Variants in ADGRB3 observed in about 807,000 individuals in gnomAD.
ADGRB3 encodes brain-specific angiogenesis inhibitor 3.
Under a neutral mutation model 193.4 loss-of-function variants are expected in ADGRB3, and 37 were observed. The observed-to-expected ratio is 0.19, with a 90% confidence interval of 0.15 to 0.25. ADGRB3 has a LOEUF of 0.25. Ranked by LOEUF, ADGRB3 falls within the 10% of genes least tolerant of loss-of-function variation. The pLI is 1.00. For synonymous variants in ADGRB3, 690 were observed against 644.2 expected, an observed-to-expected ratio of 1.07 and a Z score of -1.08; for missense variants, 1,637 against 1,852.9, an observed-to-expected ratio of 0.88 and a Z score of 2.14.
chr6:69,299,265 T>A (rs775823558), intron 20 of ADGRB3, among the ~76,000 whole-genome samples: 24 of 151,946 alleles, frequency 1.6e-4, no homozygotes, highest in Non-Finnish European at 2.8e-4. Flanking sequence ...GTTTAGTTTT[T>A]GTTTTTGTTT....
At chr6:69,169,727 A>G (rs542275989) in intron 17 of ADGRB3, among the ~76,000 whole-genome samples, 39 of 152,218 alleles carry the variant, frequency 2.6e-4, no homozygotes, top group African/African-American at 9.4e-4. Flanking sequence ...AAAGAATAAT[A>G]TTCTATAACT....
intron 3 of ADGRB3, among the ~76,000 whole-genome samples, chr6:68,783,704 A>G (rs1229790880): frequency 6.6e-6 from 1 of 151,918 alleles, no homozygotes; most frequent in Non-Finnish European, 1.5e-5. Context: ...TAAATAATTC[A>G]CACTCAAGAA....
intron 6 of ADGRB3, among the ~76,000 whole-genome samples, chr6:68,945,530 T>C (rs1004847151): frequency 6.6e-6 from 1 of 152,116 alleles, no homozygotes; most frequent in Non-Finnish European, 1.5e-5. Context: ...TGCTGAGCTG[T>C]AACATTTACA....
intron 17 of ADGRB3, among the ~76,000 whole-genome samples, chr6:69,099,171 G>A (rs993403322): frequency 2.0e-5 from 3 of 152,156 alleles, no homozygotes; most frequent in African/African-American, 7.2e-5. Flanking sequence ...CTGAGATGCT[G>A]CTATCTAACC....
chr6:69,276,526 G>T (rs1767306364), intron 20 of ADGRB3, among the ~76,000 whole-genome samples: 1 of 152,078 alleles, frequency 6.6e-6, no homozygotes, highest in African/African-American at 2.4e-5. Context: ...TTCCCATCAA[G>T]GTTTTCCACT....
chr6:68,788,210 T>C (rs1429708407), intron 3 of ADGRB3, among the ~76,000 whole-genome samples: 1 of 152,222 alleles, frequency 6.6e-6, no homozygotes, highest in East Asian at 1.9e-4. Flanking sequence ...TTGAATGTGT[T>C]TGCTCTTGCT....
rs752625602 is a variant in ADGRB3 at position 68,840,369 on chromosome 6, C to CTTTT, written c.758-90154_758-90151dup. Among the ~76,000 whole-genome samples, 185 of 69,418 alleles carry CTTTT rather than the reference C, an allele frequency of 2.7e-3. 40 individuals are homozygous for CTTTT. Among genetic ancestry groups the CTTTT allele is most frequent in the African/African-American group, 6.8e-3 (91 of 13,418 alleles). 45.5% of individuals were successfully genotyped at this position (69,418 alleles called of 152,430 possible). On this transcript the variant is annotated intron_variant, in intron 3 of 31. Transcript: ENST00000370598. Reference sequence around the variant, plus strand: ...GCAGTGGAGTAAGGCACTGGGCAGTCTTTTTTTTTTTTTTTTTTTTTTTTT... The same window carrying CTTTT: ...GCAGTGGAGTAAGGCACTGGGCAGTCTTTTTTTTTTTTTTTTTTTTTTTTTTTTT...
intron 3 of ADGRB3, among the ~76,000 whole-genome samples, chr6:68,861,014 A>T (rs890141399): frequency 6.6e-6 from 1 of 152,250 alleles, no homozygotes; most frequent in African/African-American, 2.4e-5. Context: ...AAACTCATCG[A>T]TCTATCTTGC....
intron 3 of ADGRB3, among the ~76,000 whole-genome samples, chr6:68,837,938 G>C (rs1037597111): frequency 1.3e-5 from 2 of 152,156 alleles, no homozygotes; most frequent in Non-Finnish European, 2.9e-5. Flanking sequence ...GCCCATCAAA[G>C]TTAACTTCCA....
intron 3 of ADGRB3, among the ~76,000 whole-genome samples, chr6:68,917,364 T>G (rs1043715926): frequency 4.6e-5 from 7 of 152,248 alleles, no homozygotes; most frequent in African/African-American, 1.4e-4. Context: ...TAGAAAGTTC[T>G]TCCTATGGAT....
chr6:69,337,380 G>A (rs1352192134), intron 24 of ADGRB3, among the ~76,000 whole-genome samples: 1 of 152,014 alleles, frequency 6.6e-6, no homozygotes, highest in African/African-American at 2.4e-5. Flanking sequence ...ACTTGTTCCT[G>A]TTTGTTCATC....
In ADGRB3 at chr6:68,809,148, T is replaced by C. The variant is rs138723376; in HGVS notation, c.758-121411T>C. Among the ~76,000 whole-genome samples the C allele has an allele frequency of 1.9e-3, 283 of 152,296 alleles. 3 individuals carry two copies. Among genetic ancestry groups the C allele is most frequent in the African/African-American group, 6.6e-3 (273 of 41,580 alleles). ...ATATACATTCTGAGAGCATTCTAAA[T>C]AAATAAACGTTTCTAGAGCACACAT... On this transcript the variant is annotated intron_variant, in intron 3 of 31. Transcript: ENST00000370598.
chr6:69,210,109 T>TACACACACAC (rs151244765), intron 17 of ADGRB3, among the ~76,000 whole-genome samples: 2 of 134,458 alleles, frequency 1.5e-5, no homozygotes, highest in African/African-American at 5.8e-5. Flanking sequence ...TGTATATAGA[T>TACACACACAC]ACACACACAC....
intron 8 of ADGRB3, among the ~76,000 whole-genome samples, chr6:68,962,752 T>A (rs1052990013): frequency 6.6e-6 from 1 of 152,210 alleles, no homozygotes; most frequent in Non-Finnish European, 1.5e-5. Flanking sequence ...TTTTTGAGCT[T>A]AATGTTTACC....
Position 69,372,403 on chromosome 6 carries a change from C to T in ADGRB3, c.4240-3C>T, listed in dbSNP as rs1179863682. On this transcript the variant is annotated splice_region_variant and splice_polypyrimidine_tract_variant and intron_variant, in intron 29 of 31. Transcript: ENST00000370598. Reference sequence around the variant, plus strand: ...TCCTTCTTTTTAAAAATATATCTTACAGAGAAGAAAATCACGATATTCAGA... The same window carrying T: ...TCCTTCTTTTTAAAAATATATCTTATAGAGAAGAAAATCACGATATTCAGA... 2 of 1,361,800 alleles carry T rather than the reference C, an allele frequency of 1.5e-6. No homozygotes were observed. Among genetic ancestry groups the T allele is most frequent in the Non-Finnish European group, 2.0e-6 (2 of 994,044 alleles). The allele number at this position is 1,361,800 out of a possible 1,614,324, so 84.4% of individuals were successfully genotyped here. A position where few individuals can be genotyped will look rare whatever the true frequency, so the allele number is the denominator to read the frequency against.
intron 3 of ADGRB3, among the ~76,000 whole-genome samples, chr6:68,910,725 G>A (rs1180402618): frequency 6.6e-6 from 1 of 152,106 alleles, no homozygotes; most frequent in Admixed American, 6.5e-5. Flanking sequence ...TAGATATGTG[G>A]CATTATTTCT....
intron 3 of ADGRB3, among the ~76,000 whole-genome samples, chr6:68,650,716 A>G (rs1768344066): frequency 6.6e-6 from 1 of 152,176 alleles, no homozygotes; most frequent in Non-Finnish European, 1.5e-5. Context: ...TATTCCGGAA[A>G]ACAATCAAGG....
chr6:68,736,061 G>T (rs1232392362), intron 3 of ADGRB3, among the ~76,000 whole-genome samples: 1 of 151,968 alleles, frequency 6.6e-6, no homozygotes, highest in Non-Finnish European at 1.5e-5. Context: ...GCCCAGTTTG[G>T]AATGCAGTGG....
intron 3 of ADGRB3, among the ~76,000 whole-genome samples, chr6:68,677,239 G>C (rs941368631): frequency 2.0e-5 from 3 of 152,144 alleles, no homozygotes; most frequent in Non-Finnish European, 4.4e-5. Context: ...TCTTCATGCT[G>C]CATATGGTTT....
Sources: allele counts gnomAD v4.1 joint callset (sites outside exome capture counted in the v4.1 genomes callset), GRCh38; gene constraint gnomAD v4.1.1; transcripts MANE v1.5; gene names NCBI Gene and HGNC (gene_info 2026-07-23, HGNC 2026-07-21).